ST7: variants seen among roughly 807,000 people sequenced by gnomAD.
The protein encoded by ST7 is suppression of tumorigenicity 7.
ST7 carries 28 observed loss-of-function variants against 78.7 expected under a neutral mutation model. That is an observed-to-expected ratio of 0.36 (90% confidence interval 0.26 to 0.49). ST7 has a LOEUF of 0.49. Ranked by LOEUF, ST7 falls within the 20% of genes least tolerant of loss-of-function variation. The pLI, the probability that ST7 is intolerant of heterozygous loss-of-function variation, is 0.99. For synonymous variants in ST7, 247 were observed against 249.6 expected (o/e 0.99, Z 0.10); for missense variants, 418 against 696.0 (o/e 0.60, Z 4.49).
chr7:116,957,169 G>C (rs1039825416), intron 1 of ST7: 1 of 155,550 alleles, frequency 6.4e-6, no homozygotes, highest in African/African-American at 2.4e-5. Flanking sequence ...TGGCTCGTGT[G>C]ACCTTCGTTG....
At chr7:117,083,105 G>A (rs935335317) in intron 1 of ST7, among the ~76,000 whole-genome samples, 3 of 151,786 alleles carry the variant, frequency 2.0e-5, no homozygotes, top group Admixed American at 2.0e-4. Context: ...TGTTGCTCAG[G>A]CTGGAGTGCA....
At chr7:117,125,150 C>G (rs1803723599) in intron 3 of ST7, among the ~76,000 whole-genome samples, 1 of 152,068 alleles carries the variant, frequency 6.6e-6, no homozygotes, top group Non-Finnish European at 1.5e-5. Flanking sequence ...AATTTGTGCT[C>G]TAGTACAAAT....
intron 1 of ST7, among the ~76,000 whole-genome samples, chr7:117,005,995 A>T (rs1795142987): frequency 6.6e-6 from 1 of 152,230 alleles, no homozygotes; most frequent in Admixed American, 6.5e-5. Context: ...ACACTTTACC[A>T]TTGACACTTT....
chr7:117,099,941 C>A, intron 2 of ST7, 97 bp downstream of exon 2: 2 of 884,920 alleles, frequency 2.3e-6, no homozygotes, highest in Non-Finnish European at 3.4e-6. Context: ...TATACACTAA[C>A]AGGTTACAGT....
intron 9 of ST7, chr7:117,145,694 C>G (rs1008985116): frequency 2.0e-5 from 3 of 152,160 alleles, no homozygotes; most frequent in Non-Finnish European, 2.9e-5. Context: ...GATAGGGTCA[C>G]ATTCATAGGT....
intron 1 of ST7, among the ~76,000 whole-genome samples, chr7:117,079,108 T>G (rs1799564148): frequency 6.6e-6 from 1 of 152,210 alleles, no homozygotes; most frequent in African/African-American, 2.4e-5. Context: ...CATGGTTGCG[T>G]CTGTACTAAA....
At chr7:117,226,809 T>C (rs976845253) in intron 15 of ST7, among the ~76,000 whole-genome samples, 1 of 152,094 alleles carries the variant, frequency 6.6e-6, no homozygotes, top group Admixed American at 6.5e-5. Flanking sequence ...AGGAAAAAGT[T>C]CAAGGGAGTC....
chr7:116,966,247 C>CTTTTTTTTTTT (rs374887005), intron 1 of ST7: 73 of 178,422 alleles, frequency 4.1e-4, no homozygotes, highest in East Asian at 7.5e-4. Context: ...TTTTTTCTTT[C>CTTTTTTTTTTT]TTTTTTTTTT....
At chr7:117,098,632 G>A in intron 1 of ST7, 2 of 312,116 alleles carry the variant, frequency 6.4e-6, no homozygotes, top group Non-Finnish European at 1.2e-5. Flanking sequence ...TTTGTTGAAT[G>A]AGTGAACGTG....
intron 1 of ST7, among the ~76,000 whole-genome samples, chr7:117,015,757 C>A (rs1795582060): frequency 6.6e-6 from 1 of 151,932 alleles, no homozygotes; most frequent in South Asian, 2.1e-4. Context: ...ATTTGTGCAC[C>A]CAATTCAGAA....
At chr7:117,096,873 C>T (rs1212015174) in intron 1 of ST7, among the ~76,000 whole-genome samples, 1 of 152,164 alleles carries the variant, frequency 6.6e-6, no homozygotes, top group Non-Finnish European at 1.5e-5. Flanking sequence ...TTCTGCTTCT[C>T]TGTTTTCTGT....
chr7:117,075,469 T>C (rs139219233), intron 1 of ST7, among the ~76,000 whole-genome samples: 135 of 152,326 alleles, frequency 8.9e-4, no homozygotes, highest in African/African-American at 2.7e-3. Flanking sequence ...TTTGGACTAA[T>C]TGGAAGACTG....
chr7:117,155,777 T>G (rs1003876074), intron 9 of ST7, among the ~76,000 whole-genome samples: 4 of 152,148 alleles, frequency 2.6e-5, no homozygotes, highest in African/African-American at 9.7e-5. Flanking sequence ...TCCAGGGACC[T>G]CTCATCTCAC....
chr7:117,209,253 G>T (rs1013943680), intron 12 of ST7, among the ~76,000 whole-genome samples: 3 of 152,018 alleles, frequency 2.0e-5, no homozygotes, highest in African/African-American at 7.3e-5. Context: ...CCCTCCCTTG[G>T]GTCTTCCCAT....
intron 1 of ST7, among the ~76,000 whole-genome samples, chr7:117,003,671 G>A (rs1795038111): frequency 6.6e-6 from 1 of 151,612 alleles, no homozygotes; most frequent in Non-Finnish European, 1.5e-5. Context: ...GGGCTCAAGT[G>A]ATCCTCCTGC....
chr7:117,002,639 CTG>C (rs140099821), intron 1 of ST7, among the ~76,000 whole-genome samples: 35 of 145,818 alleles, frequency 2.4e-4, no homozygotes, highest in Non-Finnish European at 3.5e-4. Flanking sequence ...GTAGTTGAGG[CTG>C]TGTGTGTGTG....
intron 1 of ST7, among the ~76,000 whole-genome samples, chr7:116,957,824 C>G (rs1792588457): frequency 6.6e-6 from 1 of 152,200 alleles, no homozygotes; most frequent in Non-Finnish European, 1.5e-5. Context: ...AATTTAAACA[C>G]CTTTTCCTAA....
At chr7:117,045,908 A>T (rs1797469306) in intron 1 of ST7, among the ~76,000 whole-genome samples, 1 of 152,224 alleles carries the variant, frequency 6.6e-6, no homozygotes, top group Non-Finnish European at 1.5e-5. Flanking sequence ...TTAAAGGGAA[A>T]TCAAGTTCTA....
chr7:117,097,838 A>G (rs1801176138), intron 1 of ST7, among the ~76,000 whole-genome samples: 1 of 128,642 alleles, frequency 7.8e-6, no homozygotes. Flanking sequence ...ATATATATAT[A>G]TATATGTATG....
Sources: gnomAD v4.1 joint callset for allele counts (sites outside exome capture counted in the v4.1 genomes callset) on GRCh38, gnomAD v4.1.1 for gene constraint, MANE v1.5 for transcripts, NCBI Gene and HGNC (gene_info 2026-07-23, HGNC 2026-07-21) for gene names.